The following ADAMTS20 variants were observed in gnomAD, a reference collection of about 807,000 sequenced individuals.
ADAMTS20 encodes the protein ADAM metallopeptidase with thrombospondin type 1 motif 20.
A neutral mutation model predicts 260.1 loss-of-function variants in ADAMTS20; 225 were observed. The observed-to-expected ratio is 0.87, with a 90% CI of 0.78 to 0.97. The LOEUF (loss-of-function observed/expected upper bound fraction) is 0.97. Ranked by LOEUF, ADAMTS20 falls within the 50% of genes least tolerant of loss-of-function variation. ADAMTS20 has a pLI of 0.00. For missense variants in ADAMTS20, 2,400 were observed against 2,337.7 expected, an observed-to-expected ratio of 1.03 and a Z score of -0.55; for synonymous variants, 802 against 769.5, an observed-to-expected ratio of 1.04 and a Z score of -0.70.
intron 27 of ADAMTS20, among the ~76,000 whole-genome samples, chr12:43,426,282 T>C (rs1042060909): frequency 5.9e-5 from 9 of 152,200 alleles, no homozygotes; most frequent in Non-Finnish European, 1.0e-4. Flanking sequence ...TTTGGACATA[T>C]AATTTGAATT....
At chr12:43,490,281 G>T (rs1942581302) in intron 7 of ADAMTS20, 114 bp downstream of exon 7, 2 of 558,782 alleles carry the variant, frequency 3.6e-6, no homozygotes, top group Non-Finnish European at 6.1e-6. Flanking sequence ...AATTTATCAA[G>T]ATAATTAATC....
chr12:43,450,157 A>G (rs200537315), intron 14 of ADAMTS20, among the ~76,000 whole-genome samples: 2 of 152,198 alleles, frequency 1.3e-5, no homozygotes, highest in East Asian at 1.9e-4. Flanking sequence ...AATACCCAGC[A>G]TAACAGTGCT....
intron 29 of ADAMTS20, among the ~76,000 whole-genome samples, chr12:43,391,961 T>G (rs1463552448): frequency 6.6e-6 from 1 of 152,174 alleles, no homozygotes; most frequent in Non-Finnish European, 1.5e-5. Flanking sequence ...TTTTGTTGTT[T>G]TACTTATGAA....
intron 37 of ADAMTS20, among the ~76,000 whole-genome samples, chr12:43,366,500 A>G (rs1231308458): frequency 6.6e-6 from 1 of 151,872 alleles, no homozygotes; most frequent in Non-Finnish European, 1.5e-5. Flanking sequence ...CCCAACAACA[A>G]CAGAATGCAC....
intron 28 of ADAMTS20, among the ~76,000 whole-genome samples, chr12:43,420,242 C>A (rs1167772739): frequency 1.3e-5 from 2 of 152,174 alleles, no homozygotes; most frequent in African/African-American, 4.8e-5. Context: ...ACATTCATTG[C>A]TAAACTGCAA....
chr12:43,542,068 A>G (rs767660917), intron 2 of ADAMTS20, among the ~76,000 whole-genome samples: 1 of 152,206 alleles, frequency 6.6e-6, no homozygotes, highest in African/African-American at 2.4e-5. Context: ...AAATTCTGTA[A>G]TATTTCTCAT....
intron 3 of ADAMTS20, among the ~76,000 whole-genome samples, chr12:43,511,366 C>A (rs959823201): frequency 6.6e-5 from 10 of 152,020 alleles, no homozygotes; most frequent in Non-Finnish European, 1.5e-4. Context: ...ATCTAAGCCT[C>A]TCCCTACTAG....
intron 5 of ADAMTS20, among the ~76,000 whole-genome samples, 195 bp from the exon 6 acceptor site, chr12:43,492,824 A>C (rs1267667313): frequency 6.6e-6 from 1 of 152,100 alleles, no homozygotes; most frequent in Non-Finnish European, 1.5e-5. Flanking sequence ...ACTGAATCTA[A>C]TTAGATCTTC....
At chr12:43,470,472 C>T (rs1430436453) in intron 7 of ADAMTS20, among the ~76,000 whole-genome samples, 1 of 152,162 alleles carries the variant, frequency 6.6e-6, no homozygotes, top group Non-Finnish European at 1.5e-5. Context: ...CAGGCAACAC[C>T]TACAAAACTC....
chr12:43,426,118 C>T (rs972602423), intron 27 of ADAMTS20, among the ~76,000 whole-genome samples: 6 of 151,946 alleles, frequency 3.9e-5, no homozygotes, highest in Non-Finnish European at 5.9e-5. Flanking sequence ...TAATAAGGTA[C>T]GTCTAATTTT....
At chr12:43,378,928 A>G (rs1418379730) in intron 31 of ADAMTS20, among the ~76,000 whole-genome samples, 1 of 152,196 alleles carries the variant, frequency 6.6e-6, no homozygotes, top group Non-Finnish European at 1.5e-5. Flanking sequence ...TTCAATAAAC[A>G]TGGCTAACTT....
chr12:43,393,029 T>C (rs768175614), intron 29 of ADAMTS20, among the ~76,000 whole-genome samples: 13 of 152,074 alleles, frequency 8.5e-5, no homozygotes, highest in Non-Finnish European at 1.5e-4. Context: ...ATTTACAAGA[T>C]TTTTATGTGT....
At chr12:43,510,670 A>G (rs79464462) in intron 3 of ADAMTS20, among the ~76,000 whole-genome samples, 1 of 152,102 alleles carries the variant, frequency 6.6e-6, no homozygotes, top group Non-Finnish European at 1.5e-5. Flanking sequence ...ACCCAAAACT[A>G]ATTTAGACCA....
intron 3 of ADAMTS20, among the ~76,000 whole-genome samples, chr12:43,502,847 AC>A (rs1212506884): frequency 1.3e-5 from 2 of 152,324 alleles, no homozygotes; most frequent in Admixed American, 6.5e-5. Context: ...ATAGAAAAAA[AC>A]AAACTTTCTT....
intron 37 of ADAMTS20, among the ~76,000 whole-genome samples, chr12:43,365,131 G>A (rs912073543): frequency 6.6e-6 from 1 of 151,916 alleles, no homozygotes; most frequent in Non-Finnish European, 1.5e-5. Flanking sequence ...ATAAAAAACT[G>A]TACATCAATA....
At chr12:43,410,975 A>G (rs1230658619) in intron 28 of ADAMTS20, among the ~76,000 whole-genome samples, 1 of 152,230 alleles carries the variant, frequency 6.6e-6, no homozygotes, top group East Asian at 1.9e-4. Flanking sequence ...TTTTGTGTAG[A>G]TAAGAAGGGA....
chr12:43,551,001 C>T lies in ADAMTS20; in HGVS notation c.361G>A (p.Ala121Thr), dbSNP rs767895763. 8 of 1,613,048 alleles carry T rather than the reference C, an allele frequency of 5.0e-6. No homozygotes were observed. The African/African-American group carries it at 8.0e-5, about 16-fold the overall frequency. ...CAGTGGCGCAGGTCCGAGGGCCCTG[C>T]GTCGCTCTCCCAGGCCCCGCGCTCC... ...TPERGAWESD[A>T]GPSDLRHCFY... Residue 121 changes from alanine to threonine, a missense_variant, in exon 2 of 39, where the codon GCA becomes ACA. Physicochemically the swap from Ala to Thr is moderately conservative, Grantham distance 58. Coordinates refer to ENST00000389420, the MANE Select transcript of ADAMTS20 (RefSeq NM_025003.5). This position sits in a 1 kb window ranked among gnomAD's most constrained non-coding sequence, Gnocchi z 4.6.
intron 3 of ADAMTS20, among the ~76,000 whole-genome samples, chr12:43,529,798 C>G (rs991892972): frequency 6.6e-6 from 1 of 152,002 alleles, no homozygotes; most frequent in Non-Finnish European, 1.5e-5. Context: ...ACTCCAAAAG[C>G]TATTAAAACT....
At chr12:43,385,162 GA>G (rs1228362158) in intron 29 of ADAMTS20, among the ~76,000 whole-genome samples, 1 of 152,150 alleles carries the variant, frequency 6.6e-6, no homozygotes, top group Non-Finnish European at 1.5e-5. Flanking sequence ...ACTGGCATGA[GA>G]TGGTATCTCA....
Sources: allele counts gnomAD v4.1 joint callset (sites outside exome capture counted in the v4.1 genomes callset), GRCh38; gene constraint gnomAD v4.1.1; non-coding constraint Gnocchi (gnomAD v3.1); transcripts MANE v1.5; gene names NCBI Gene and HGNC (gene_info 2026-07-23, HGNC 2026-07-21).